Variants in COBLL1 observed in about 807,000 individuals in gnomAD.
The protein encoded by COBLL1 is cordon-bleu protein-like 1.
COBLL1 carries 50 observed loss-of-function variants against 94.8 expected under a neutral mutation model. That is an observed-to-expected ratio of 0.53 (90% CI 0.42 to 0.67). COBLL1 has a LOEUF of 0.67. COBLL1 is among the 30% of genes least tolerant of loss of function. The pLI is 0.00. For missense variants in COBLL1, 1,362 were observed against 1,348.7 expected, an observed-to-expected ratio of 1.01 and a Z score of -0.15; for synonymous variants, 448 against 473.8, an observed-to-expected ratio of 0.95 and a Z score of 0.71.
At position 164,692,532 on chromosome 2, in the gene COBLL1, T is replaced by C. The variant is rs571100169; in HGVS notation, c.3124-135A>G. 9 of 647,866 alleles carry C rather than the reference T, an allele frequency of 1.4e-5. No individual in the cohort carries two copies. The East Asian group carries it at 2.6e-4, about 19-fold the overall frequency. The allele number at this position is 647,866 out of a possible 1,614,324, so 40.1% of individuals were successfully genotyped here. On this transcript the variant is annotated intron_variant, in intron 12 of 13. Transcript: ENST00000652658. ...CTGGTGTTTCAGACACAGCTCTGTT[T>C]CCTCACCCACTGAATTATCTCTGCT... is the stretch of plus-strand genomic sequence containing the variant.
chr2:164,725,147 T>C (rs1269201230), intron 5 of COBLL1: 1 of 141,708 alleles, frequency 7.1e-6, no homozygotes, highest in African/African-American at 2.5e-5. Flanking sequence ...ATGAAAGCAG[T>C]GGTATTACTC....
Position 164,841,522 on chromosome 2 carries a change from A to G in COBLL1, c.-51+188T>C. 1 of 969,566 alleles carries G rather than the reference A, an allele frequency of 1.0e-6. No individual in the cohort carries two copies. Among genetic ancestry groups the G allele is most frequent in the Non-Finnish European group, 1.3e-6 (1 of 782,210 alleles). 60.1% of individuals were successfully genotyped at this position (969,566 alleles called of 1,614,324 possible). A position where few individuals can be genotyped will look rare whatever the true frequency, so the allele number is the denominator to read the frequency against. On this transcript the variant is annotated intron_variant, in intron 1 of 13. Coordinates refer to ENST00000652658, the MANE Select transcript of COBLL1 (RefSeq NM_001365672.2). The surrounding 1 kb of genome is among the most constrained non-coding windows in gnomAD (Gnocchi z 5.5). ...TGGGTAGCCATTTGGCGCCTCTCGGAGGGAGAGGAGCCGCCGGGGCTGGAA... is the reference window on the plus strand; with the variant it reads ...TGGGTAGCCATTTGGCGCCTCTCGGGGGGAGAGGAGCCGCCGGGGCTGGAA...
chr2:164,689,033 C>A (rs542402866), intron 13 of COBLL1, among the ~76,000 whole-genome samples: 16 of 152,018 alleles, frequency 1.1e-4, no homozygotes, highest in Admixed American at 8.5e-4. Context: ...GATTAATAAA[C>A]CTTAACATCA....
At chr2:164,805,880 C>T (rs796686888) in intron 2 of COBLL1, among the ~76,000 whole-genome samples, 11 of 152,222 alleles carry the variant, frequency 7.2e-5, no homozygotes, top group African/African-American at 2.6e-4. Context: ...ATAGTAAGAA[C>T]GTGTTTAGTT....
chr2:164,819,261 A>G (rs978252154), intron 2 of COBLL1, among the ~76,000 whole-genome samples: 1 of 152,234 alleles, frequency 6.6e-6, no homozygotes, highest in African/African-American at 2.4e-5. Flanking sequence ...CGAAATATTT[A>G]GAACATAGGT....
intron 5 of COBLL1, among the ~76,000 whole-genome samples, chr2:164,726,782 G>C (rs1441486530): frequency 6.6e-6 from 1 of 151,930 alleles, no homozygotes; most frequent in Non-Finnish European, 1.5e-5. Flanking sequence ...TGCTTCCTCG[G>C]TACTACCAAG....
chr2:164,744,580 G>A (rs1396230191), intron 2 of COBLL1, among the ~76,000 whole-genome samples: 2 of 152,078 alleles, frequency 1.3e-5, no homozygotes, highest in East Asian at 1.9e-4. Flanking sequence ...CCAGTTACTC[G>A]GCAGACAGGT....
At chr2:164,667,410 G>T (rs1182550394) in intron 1 of COBLL1, among the ~76,000 whole-genome samples, 1 of 152,178 alleles carries the variant, frequency 6.6e-6, no homozygotes, top group African/African-American at 2.4e-5. Context: ...GAGTCAGCCT[G>T]TTCACTGAAG....
intron 2 of COBLL1, among the ~76,000 whole-genome samples, chr2:164,776,090 C>G (rs564515100): frequency 6.6e-5 from 10 of 151,436 alleles, no homozygotes; most frequent in African/African-American, 1.9e-4. Context: ...ACAAACCCCC[C>G]CAGTCCAATT....
intron 3 of COBLL1, among the ~76,000 whole-genome samples, chr2:164,737,296 T>C (rs1190192135): frequency 2.0e-5 from 3 of 152,206 alleles, no homozygotes; most frequent in Admixed American, 6.5e-5. Context: ...CATTTGTGAA[T>C]ACTTTGTCAC....
Position 164,705,124 on chromosome 2 carries a change from A to C in COBLL1, c.997-19T>G, listed in dbSNP as rs768345009. ...AGGGACTCTGGAAAACAAAATGACC[A>C]AATAAAATCCTACATTTAGAAATCA... On this transcript the variant is annotated intron_variant, in intron 7 of 13. Coordinates refer to ENST00000652658, the MANE Select transcript of COBLL1 (RefSeq NM_001365672.2). 1 of 1,491,248 alleles carries C rather than the reference A, an allele frequency of 6.7e-7. No homozygotes were observed. The highest frequency in any genetic ancestry group is 2.5e-5 in the Admixed American group (1 of 40,372). The allele number at this position is 1,491,248 out of a possible 1,614,324, so 92.4% of individuals were successfully genotyped here. A position where few individuals can be genotyped will look rare whatever the true frequency, so the allele number is the denominator to read the frequency against.
In COBLL1 at chr2:164,681,217, T is replaced by C. The variant is rs553890016; in HGVS notation, c.*4729A>G. ...ACAAACCTTGGTGGTATTGCTGGGG[T>C]AAGCATTTATTGCTTACACATCAGA... On this transcript the variant is annotated 3_prime_UTR_variant, in exon 14 of 14. Transcript: ENST00000652658. The C allele has an allele frequency of 6.6e-6, 1 of 152,242 alleles. No individual in the cohort carries two copies. Among genetic ancestry groups the C allele is most frequent in the South Asian group, 2.1e-4 (1 of 4,826 alleles). 9.4% of individuals were successfully genotyped at this position (152,242 alleles called of 1,614,324 possible).
chr2:164,780,297 CG>C (rs1380613490), intron 2 of COBLL1, among the ~76,000 whole-genome samples: 5 of 152,070 alleles, frequency 3.3e-5, no homozygotes, highest in Non-Finnish European at 7.4e-5. Flanking sequence ...ATGGCTGACA[CG>C]GAGGGTTCTA....
chr2:164,762,962 C>T (rs901793992), intron 2 of COBLL1, among the ~76,000 whole-genome samples: 2 of 152,102 alleles, frequency 1.3e-5, no homozygotes, highest in African/African-American at 4.8e-5. Context: ...TCCCAAAGTG[C>T]CAGGATTACA....
chr2:164,799,479 A>C (rs769849345), intron 2 of COBLL1, among the ~76,000 whole-genome samples: 1 of 152,214 alleles, frequency 6.6e-6, no homozygotes, highest in Non-Finnish European at 1.5e-5. Flanking sequence ...CTAAATTCAG[A>C]GGCATATCCT....
rs1470204304 is a variant in COBLL1, at chr2:164,683,104, C to A, written c.*2842G>T. 6.6e-6 allele frequency: 1 copy of A among 151,500 alleles called. No individual in the cohort carries two copies. The highest frequency in any genetic ancestry group is 2.4e-5 in the African/African-American group (1 of 41,214). The allele number at this position is 151,500 out of a possible 1,614,324, so 9.4% of individuals were successfully genotyped here. On this transcript the variant is annotated 3_prime_UTR_variant, in exon 14 of 14. Transcript: ENST00000652658. ...AATACATCTATATAGGGCTTCATAT[C>A]AAAATATTAACAGCTATCTTTGGAG...
chr2:164,741,230 C>G (rs189378290), intron 3 of COBLL1, among the ~76,000 whole-genome samples: 11 of 152,064 alleles, frequency 7.2e-5, no homozygotes, highest in Admixed American at 5.9e-4. Context: ...GAGCCAAGAT[C>G]CCGCCAATGC....
At chr2:164,737,450 T>A (rs890434131) in intron 3 of COBLL1, among the ~76,000 whole-genome samples, 2 of 152,148 alleles carry the variant, frequency 1.3e-5, no homozygotes, top group Non-Finnish European at 2.9e-5. Context: ...AAAACTCAAG[T>A]AGTACTGTTA....
In COBLL1 at chr2:164,779,891, A is replaced by G. The variant is rs183443652; in HGVS notation, c.42-36016T>C. ...GGTATGAGACATGGGTCAGGCCTCC[A>G]TCTATGGGAATGTTCTCATATTGCA... On this transcript the variant is annotated intron_variant, in intron 2 of 13. Transcript: ENST00000652658. The G allele has an allele frequency of 5.3e-4, 164 of 310,314 alleles. 2 individuals are homozygous for G. The highest frequency in any genetic ancestry group is 3.3e-3 in the African/African-American group (153 of 46,768). The allele number at this position is 310,314 out of a possible 1,614,324, so 19.2% of individuals were successfully genotyped here.
Sources: gnomAD v4.1 joint callset for allele counts (sites outside exome capture counted in the v4.1 genomes callset) on GRCh38, gnomAD v4.1.1 for gene constraint, Gnocchi (gnomAD v3.1) non-coding constraint, MANE v1.5 for transcripts, NCBI Gene and HGNC (gene_info 2026-07-23, HGNC 2026-07-21) for gene names.